MTHFD2L: variants seen among roughly 807,000 people sequenced by gnomAD.
The protein encoded by MTHFD2L is methylenetetrahydrofolate dehydrogenase (NADP+ dependent) 2 like.
A neutral mutation model predicts 34.9 loss-of-function variants in MTHFD2L; 29 were observed. That is an observed-to-expected ratio of 0.83 (90% CI 0.62 to 1.13). MTHFD2L has a LOEUF of 1.13. Among genes scored for constraint, MTHFD2L ranks in the 50% most tolerant of loss-of-function variants. MTHFD2L has a pLI of 0.00. For synonymous variants in MTHFD2L, 167 were observed against 155.7 expected (o/e 1.07, Z -0.54); for missense variants, 481 against 446.5 (o/e 1.08, Z -0.70).
At chr4:74,279,710 C>T (rs1747178122) in intron 6 of MTHFD2L, among the ~76,000 whole-genome samples, 1 of 152,010 alleles carries the variant, frequency 6.6e-6, no homozygotes, top group African/African-American at 2.4e-5. Context: ...CAATGTATGT[C>T]TTCTTTTTCT....
chr4:74,158,082 C>T, upstream of MTHFD2L: 1 of 1,532,102 alleles, frequency 6.5e-7, no homozygotes, highest in South Asian at 1.2e-5. Context: ...CCTCCAGCCG[C>T]GAGGACTGGA....
At chr4:74,271,383 A>G (rs1263959080) in intron 6 of MTHFD2L, among the ~76,000 whole-genome samples, 1 of 141,534 alleles carries the variant, frequency 7.1e-6, no homozygotes, top group Non-Finnish European at 1.6e-5. Context: ...TCAGCTTTCT[A>G]CATATGGCTA....
chr4:74,235,529 G>A (rs1283017529), intron 6 of MTHFD2L, among the ~76,000 whole-genome samples: 1 of 152,010 alleles, frequency 6.6e-6, no homozygotes, highest in Non-Finnish European at 1.5e-5. Context: ...ATGTGGGTGT[G>A]GGGTTTGGGA....
chr4:74,255,136 CAAAAAAA>C lies in MTHFD2L; in HGVS notation c.806-26270_806-26264del, dbSNP rs34300013. Among the ~76,000 whole-genome samples the C allele has an allele frequency of 8.7e-5, 6 of 69,184 alleles. No individual in the cohort carries two copies. The South Asian group carries it at 2.3e-3, about 27-fold the overall frequency. The allele number at this position is 69,184 out of a possible 152,430, so 45.4% of individuals were successfully genotyped here. ...GGCAAAAAGAGCGAGACTCCATCTC[CAAAAAAA>C]AAAAAAAAAAAAAAAAAAGAATTAG... On this transcript the variant is annotated intron_variant, in intron 6 of 7. Transcript: ENST00000325278.
intron 6 of MTHFD2L, among the ~76,000 whole-genome samples, chr4:74,258,787 C>T (rs10015148): frequency 0.061 from 9,313 of 151,824 alleles, 643 homozygotes; most frequent in African/African-American, 0.17. Flanking sequence ...AGTTCTATGG[C>T]GACAATATGA....
intron 1 of MTHFD2L, among the ~76,000 whole-genome samples, chr4:74,163,377 A>C (rs1725879554): frequency 6.6e-6 from 1 of 152,256 alleles, no homozygotes; most frequent in Non-Finnish European, 1.5e-5. Flanking sequence ...TTCAGCAGAT[A>C]GGCCAAGAGC....
chr4:74,282,510 A>G (rs1227751151), intron 7 of MTHFD2L, among the ~76,000 whole-genome samples: 1 of 152,120 alleles, frequency 6.6e-6, no homozygotes, highest in Non-Finnish European at 1.5e-5. Context: ...TGGTTTACCC[A>G]AGTTCTAGCA....
At chr4:74,279,980 C>T (rs751309033) in intron 6 of MTHFD2L, among the ~76,000 whole-genome samples, 3 of 152,096 alleles carry the variant, frequency 2.0e-5, no homozygotes, top group Non-Finnish European at 4.4e-5. Flanking sequence ...TACAAGGTGA[C>T]ATTTAAGCCA....
intron 6 of MTHFD2L, among the ~76,000 whole-genome samples, chr4:74,241,021 T>C (rs1218348185): frequency 2.0e-5 from 3 of 152,178 alleles, no homozygotes; most frequent in African/African-American, 7.2e-5. Context: ...GCCCTAGGGA[T>C]ACTAAAATAG....
chr4:74,270,898 GATTTGC>G (rs1745892368), intron 6 of MTHFD2L, among the ~76,000 whole-genome samples: 2 of 152,072 alleles, frequency 1.3e-5, no homozygotes, highest in Non-Finnish European at 1.5e-5. Flanking sequence ...TTGTGGTTTT[GATTTGC>G]ATTTCTCTGA....
chr4:74,249,312 T>C (rs1742970268), intron 6 of MTHFD2L, among the ~76,000 whole-genome samples: 1 of 151,910 alleles, frequency 6.6e-6, no homozygotes, highest in Non-Finnish European at 1.5e-5. Context: ...ACCCCTGCCT[T>C]TTTTTGTTTT....
intron 1 of MTHFD2L, among the ~76,000 whole-genome samples, chr4:74,128,661 T>G (rs917186228): frequency 2.0e-5 from 3 of 152,164 alleles, no homozygotes; most frequent in African/African-American, 7.2e-5. Context: ...TGCTTCCAGC[T>G]TTGTGTTTTT....
intron 6 of MTHFD2L, among the ~76,000 whole-genome samples, chr4:74,277,303 A>G (rs1236217360): frequency 2.0e-5 from 3 of 151,942 alleles, no homozygotes; most frequent in Non-Finnish European, 4.4e-5. Context: ...AGGGAACTCA[A>G]TACACCCTAG....
At chr4:74,276,447 C>T (rs1299477712) in intron 6 of MTHFD2L, among the ~76,000 whole-genome samples, 1 of 151,980 alleles carries the variant, frequency 6.6e-6, no homozygotes, top group Non-Finnish European at 1.5e-5. Flanking sequence ...AGGATTGGTT[C>T]TATGGAATTA....
chr4:74,174,931 C>A (rs1269971163), intron 2 of MTHFD2L, among the ~76,000 whole-genome samples: 1 of 152,098 alleles, frequency 6.6e-6, no homozygotes. Context: ...TAGTTTGCAT[C>A]TAAAAGGCCT....
chr4:74,245,039 A>G (rs2110180216), intron 6 of MTHFD2L, among the ~76,000 whole-genome samples: 1 of 151,854 alleles, frequency 6.6e-6, no homozygotes, highest in Non-Finnish European at 1.5e-5. Flanking sequence ...CTAAAAATAC[A>G]AAAAAATTAG....
At chr4:74,138,655 A>C (rs1723099994) in intron 1 of MTHFD2L, among the ~76,000 whole-genome samples, 1 of 152,170 alleles carries the variant, frequency 6.6e-6, no homozygotes, top group Non-Finnish European at 1.5e-5. Flanking sequence ...GGAGGAGTGG[A>C]AGTCAATGGA....
chr4:74,203,259 G>A (rs1185078926), intron 5 of MTHFD2L, among the ~76,000 whole-genome samples: 9 of 152,002 alleles, frequency 5.9e-5, no homozygotes, highest in Non-Finnish European at 1.0e-4. Context: ...CAGTTTTCAT[G>A]GTACCCATCT....
At chr4:74,153,146 A>C (rs936429250), upstream of MTHFD2L, among the ~76,000 whole-genome samples, 2 of 152,210 alleles carry the variant, frequency 1.3e-5, no homozygotes, top group South Asian at 2.1e-4. Flanking sequence ...TAAGCTATGC[A>C]TCTGTCTGTC....
Sources: allele counts gnomAD v4.1 joint callset (sites outside exome capture counted in the v4.1 genomes callset), GRCh38; gene constraint gnomAD v4.1.1; transcripts MANE v1.5; gene names NCBI Gene and HGNC (gene_info 2026-07-23, HGNC 2026-07-21).